Variants in HS6ST3 observed in about 807,000 individuals in gnomAD.
The protein encoded by HS6ST3 is heparan sulfate 6-O-sulfotransferase 3.
A neutral mutation model predicts 36.7 loss-of-function variants in HS6ST3; 12 were observed. The observed-to-expected ratio is 0.33, with a 90% CI of 0.21 to 0.53. The LOEUF (loss-of-function observed/expected upper bound fraction) is 0.53. HS6ST3 is among the 20% of genes least tolerant of loss of function. The probability of loss-of-function intolerance (pLI) is 0.95; values close to 1 mark genes in which losing one functional copy is unlikely to be tolerated. For synonymous variants in HS6ST3, 240 were observed against 257.5 expected, an observed-to-expected ratio of 0.93 and a Z score of 0.65; for missense variants, 584 against 640.9, an observed-to-expected ratio of 0.91 and a Z score of 0.96.
At chr13:96,568,324 T>A (rs1032961445) in intron 1 of HS6ST3, among the ~76,000 whole-genome samples, 25 of 152,228 alleles carry the variant, frequency 1.6e-4, no homozygotes, top group African/African-American at 5.8e-4. Flanking sequence ...TGGAGTTCAA[T>A]GGCACGATCT....
intron 1 of HS6ST3, among the ~76,000 whole-genome samples, chr13:96,820,594 C>T (rs563514172): frequency 4.2e-4 from 64 of 152,338 alleles, no homozygotes; most frequent in Admixed American, 1.6e-3. Context: ...GATACTTCAG[C>T]TGTTTAGGTG....
intron 1 of HS6ST3, among the ~76,000 whole-genome samples, chr13:96,796,582 G>A (rs1877918019): frequency 6.6e-6 from 1 of 152,078 alleles, no homozygotes; most frequent in South Asian, 2.1e-4. Context: ...TTTGGTGATG[G>A]AGAAATAATT....
chr13:96,344,335 A>G (rs192847117), intron 1 of HS6ST3, among the ~76,000 whole-genome samples: 1 of 152,324 alleles, frequency 6.6e-6, no homozygotes. Context: ...CTATAGAAAT[A>G]ACATGTGAGG....
intron 1 of HS6ST3, among the ~76,000 whole-genome samples, chr13:96,118,647 TATATA>T (rs1365892298): frequency 3.5e-4 from 1 of 2,848 alleles, no homozygotes; most frequent in African/African-American, 8.6e-4. Flanking sequence ...ACATTAAAGA[TATATA>T]TATATATATA....
chr13:96,626,024 A>G (rs1244272324), intron 1 of HS6ST3, among the ~76,000 whole-genome samples: 2 of 145,680 alleles, frequency 1.4e-5, no homozygotes, highest in African/African-American at 2.5e-5. Context: ...TTTTTTTTTT[A>G]GTAGAGACGA....
intron 1 of HS6ST3, among the ~76,000 whole-genome samples, chr13:96,457,964 G>T (rs545491289): frequency 6.6e-6 from 1 of 151,866 alleles, no homozygotes; most frequent in East Asian, 1.9e-4. Flanking sequence ...GGTAGCTAGT[G>T]GATAAGCCTC....
intron 1 of HS6ST3, among the ~76,000 whole-genome samples, chr13:96,414,477 TTTTC>T (rs2055523226): frequency 1.3e-5 from 2 of 152,256 alleles, no homozygotes; most frequent in South Asian, 2.1e-4. Flanking sequence ...CTTGATTCGT[TTTTC>T]TTTCTTTCTT....
At chr13:96,112,270 T>C (rs897306520) in intron 1 of HS6ST3, among the ~76,000 whole-genome samples, 3 of 152,100 alleles carry the variant, frequency 2.0e-5, no homozygotes, top group African/African-American at 7.2e-5. Flanking sequence ...TGCATAATTA[T>C]GTAACAACCT....
In HS6ST3 at chr13:96,091,690, G is replaced by T. The variant is rs547079867; in HGVS notation, c.707+121G>T. 1.0e-5 allele frequency: 14 copies of T among 1,357,844 alleles called. No individual in the cohort carries two copies. In the East Asian group the frequency reaches 3.0e-4, roughly 29 times the overall value. The allele number at this position is 1,357,844 out of a possible 1,614,324, so 84.1% of individuals were successfully genotyped here. On this transcript the variant is annotated intron_variant, in intron 1 of 1. Coordinates refer to ENST00000376705, the MANE Select transcript of HS6ST3 (RefSeq NM_153456.4). ...CGATGGTTTCCTGGCGTCTTCAGCG[G>T]TTGGCGCCGTGGCTTTGGGGAGGGA...
In HS6ST3 at chr13:96,834,583, T is replaced by C. The variant is rs188114918; in HGVS notation, c.*1385T>C. 2 of 152,770 alleles carry C rather than the reference T, an allele frequency of 1.3e-5. No individual in the cohort carries two copies. Among genetic ancestry groups the C allele is most frequent in the East Asian group, 3.9e-4 (2 of 5,186 alleles). 9.5% of individuals were successfully genotyped at this position (152,770 alleles called of 1,614,324 possible). On this transcript the variant is annotated 3_prime_UTR_variant, in exon 2 of 2. Coordinates refer to ENST00000376705, the MANE Select transcript of HS6ST3 (RefSeq NM_153456.4). ...TGGAAGAAGGAAGAGAAAGCCTTTG[T>C]CTAGCATTTATTAGGAGGATCAGAG...
At chr13:96,331,527 A>T (rs1405618483) in intron 1 of HS6ST3, among the ~76,000 whole-genome samples, 2 of 152,154 alleles carry the variant, frequency 1.3e-5, no homozygotes, top group African/African-American at 4.8e-5. Context: ...TTGAGGAGGC[A>T]GTCTGCCCGT....
chr13:96,201,183 G>A (rs2054340268), intron 1 of HS6ST3, among the ~76,000 whole-genome samples: 1 of 152,182 alleles, frequency 6.6e-6, no homozygotes, highest in Non-Finnish European at 1.5e-5. Context: ...CTAAATAGAC[G>A]GATCGATTTG....
In HS6ST3 at chr13:96,091,170, A is replaced by C; in HGVS notation, c.308A>C (p.Glu103Ala). The change falls in exon 1 of 2, where the codon GAA (glutamate) becomes GCA (alanine). Residue 103 changes from glutamate (E) to alanine (A), a missense_variant. Coordinates refer to ENST00000376705, the MANE Select transcript of HS6ST3 (RefSeq NM_153456.4). ...CCCGGAGACCCCCGGGAGGGGGAGG[A>C]AGAGGAGGAGGAAGACGAGCCGGAC... is the stretch of plus-strand genomic sequence containing the variant. ...EEPGDPREGE[E>A]EEEEDEPDPE... The C allele has an allele frequency of 6.5e-7, 1 of 1,545,914 alleles. No homozygotes were observed.
At position 96,386,694 on chromosome 13, in the gene HS6ST3, G is replaced by A. The variant is rs570214079; in HGVS notation, c.707+295125G>A. ...ATCCTGCCCAACATGGTGAAACCCT[G>A]TCTCTACTAAAAATACAAAAAATTA... On this transcript the variant is annotated intron_variant, in intron 1 of 1. Coordinates refer to ENST00000376705, the MANE Select transcript of HS6ST3 (RefSeq NM_153456.4). Among the ~76,000 whole-genome samples the A allele has an allele frequency of 3.3e-5, 5 of 152,064 alleles. No homozygotes were observed. The South Asian group carries it at 8.3e-4, about 25-fold the overall frequency.
intron 1 of HS6ST3, among the ~76,000 whole-genome samples, chr13:96,599,952 C>T (rs932160188): frequency 6.6e-6 from 1 of 151,944 alleles, no homozygotes; most frequent in African/African-American, 2.4e-5. Flanking sequence ...GTGAGTTTCT[C>T]TTGGAATTGA....
intron 1 of HS6ST3, among the ~76,000 whole-genome samples, chr13:96,491,283 C>T (rs1345704936): frequency 6.6e-6 from 1 of 151,908 alleles, no homozygotes; most frequent in African/African-American, 2.4e-5. Flanking sequence ...ATATGCATAC[C>T]ATCTGGTATT....
chr13:96,631,424 T>C (rs934513672), intron 1 of HS6ST3, among the ~76,000 whole-genome samples: 3 of 152,254 alleles, frequency 2.0e-5, no homozygotes, highest in Non-Finnish European at 4.4e-5. Flanking sequence ...TAAATTTTGT[T>C]CTCAAAAGAT....
chr13:96,366,448 C>CAAATAAATAAATAAATAAATAAATAAAT lies in HS6ST3; in HGVS notation c.707+274906_707+274907insTAAATAAATAAATAAATAAATAAATAAA, dbSNP rs3086049. On this transcript the variant is annotated intron_variant, in intron 1 of 1. Transcript: ENST00000376705. Reference sequence around the variant, plus strand: ...TGGGTGACATAGCAAGACCTTGTCTCAAATAAATAAATAAATAAATAAATA... The same window carrying CAAATAAATAAATAAATAAATAAATAAAT: ...TGGGTGACATAGCAAGACCTTGTCTCAAATAAATAAATAAATAAATAAATAAATAAATAAATAAATAAATAAATAAATA... Among the ~76,000 whole-genome samples the CAAATAAATAAATAAATAAATAAATAAAT allele has an allele frequency of 3.1e-3, 464 of 148,634 alleles. 2 individuals are homozygous for CAAATAAATAAATAAATAAATAAATAAAT. The highest frequency in any genetic ancestry group is 4.8e-3 in the Non-Finnish European group (322 of 67,356).
intron 1 of HS6ST3, among the ~76,000 whole-genome samples, chr13:96,252,436 C>T (rs118126851): frequency 6.6e-6 from 1 of 152,192 alleles, no homozygotes; most frequent in East Asian, 1.9e-4. Flanking sequence ...CTCCATGCCT[C>T]CTGTTCCCTC....
Sources: allele counts gnomAD v4.1 joint callset (sites outside exome capture counted in the v4.1 genomes callset), GRCh38; gene constraint gnomAD v4.1.1; transcripts MANE v1.5; gene names NCBI Gene and HGNC (gene_info 2026-07-23, HGNC 2026-07-21).